The following LRRC36 variants were observed in gnomAD, a reference collection of about 807,000 sequenced individuals.
LRRC36 encodes the protein leucine-rich repeat-containing protein 36.
A neutral mutation model predicts 81.1 loss-of-function variants in LRRC36; 62 were observed. That is an observed-to-expected ratio of 0.76 (90% CI 0.62 to 0.94). LRRC36 has a LOEUF of 0.94. Among genes scored for constraint, LRRC36 ranks in the 40% least tolerant of loss-of-function variants. The pLI, the probability that LRRC36 is intolerant of heterozygous loss-of-function variation, is 0.00. For synonymous variants in LRRC36, 334 were observed against 348.6 expected, an observed-to-expected ratio of 0.96 and a Z score of 0.47; for missense variants, 761 against 881.7, an observed-to-expected ratio of 0.86 and a Z score of 1.73.
chr16:67,372,371 T>A (rs905839886), intron 9 of LRRC36, among the ~76,000 whole-genome samples: 55 of 151,310 alleles, frequency 3.6e-4, no homozygotes, highest in East Asian at 9.7e-4. Flanking sequence ...AAAAAAAAAA[T>A]AAAATAAAAT....
intron 9 of LRRC36, among the ~76,000 whole-genome samples, chr16:67,374,945 T>C (rs2039821800): frequency 6.6e-6 from 1 of 151,536 alleles, no homozygotes; most frequent in African/African-American, 2.4e-5. Flanking sequence ...GCCTGGCCAA[T>C]ATGGTGAAAC....
intron 10 of LRRC36, among the ~76,000 whole-genome samples, 191 bp downstream of exon 10, chr16:67,375,603 A>G (rs1323624348): frequency 6.6e-6 from 1 of 152,202 alleles, no homozygotes; most frequent in Non-Finnish European, 1.5e-5. Context: ...TTTTAAAAGC[A>G]GCACCTCTTC....
At chr16:67,340,454 A>G (rs530775863) in intron 1 of LRRC36, among the ~76,000 whole-genome samples, 1 of 152,206 alleles carries the variant, frequency 6.6e-6, no homozygotes, top group African/African-American at 2.4e-5. Flanking sequence ...ACCTGAGGTC[A>G]GGAGTTCAAG....
At chr16:67,350,156 C>CG (rs377296424) in intron 4 of LRRC36, 46 bp from the exon 5 acceptor site, 2 of 1,212,510 alleles carry the variant, frequency 1.6e-6, no homozygotes. Flanking sequence ...ATCTCAGAAG[C>CG]CTTTTTTTTT....
intron 1 of LRRC36, among the ~76,000 whole-genome samples, chr16:67,335,046 T>A (rs1024053058): frequency 6.6e-6 from 1 of 151,996 alleles, no homozygotes; most frequent in Non-Finnish European, 1.5e-5. Context: ...CGGGGTGAAA[T>A]TAAAATTGCT....
intron 1 of LRRC36, among the ~76,000 whole-genome samples, chr16:67,333,338 G>A (rs550983343): frequency 6.6e-6 from 1 of 152,006 alleles, no homozygotes; most frequent in South Asian, 2.1e-4. Context: ...CACCATGTTG[G>A]CCAGGCTGGT....
In LRRC36 at chr16:67,367,782, G is replaced by A. The variant is rs569534075; in HGVS notation, c.1195+325G>A. Among the ~76,000 whole-genome samples, 5 of 152,320 alleles carry A rather than the reference G, an allele frequency of 3.3e-5. No individual in the cohort carries two copies. In the East Asian group the frequency reaches 5.8e-4, roughly 18 times the overall value. On this transcript the variant is annotated intron_variant, in intron 8 of 13. Coordinates refer to ENST00000329956, the MANE Select transcript of LRRC36 (RefSeq NM_018296.6). Reference sequence around the variant, plus strand: ...AGAAGTTAGTTTCAGGCTGGGCACGGTGGCTCATGCCTGTAATCCCAGCAC... The same window carrying A: ...AGAAGTTAGTTTCAGGCTGGGCACGATGGCTCATGCCTGTAATCCCAGCAC...
chr16:67,349,058 A>G (rs987282236), intron 4 of LRRC36, among the ~76,000 whole-genome samples: 1 of 152,178 alleles, frequency 6.6e-6, no homozygotes, highest in African/African-American at 2.4e-5. Flanking sequence ...TAGAAATTGA[A>G]TGCTTCTAAA....
Position 67,376,870 on chromosome 16 carries a change from A to G in LRRC36, c.1804A>G (p.Met602Val). 6.2e-7 allele frequency: 1 copy of G among 1,611,486 alleles called. No homozygotes were observed. The highest frequency in any genetic ancestry group is 8.5e-7 in the Non-Finnish European group (1 of 1,177,982). The change falls in exon 11 of 14, where the codon ATG (methionine) becomes GTG (valine). Residue 602 changes from methionine (M) to valine (V), a missense_variant and splice_region_variant. Around this residue, in one of 3 missense-constraint regions of LRRC36, gnomAD observed 359 missense variants for 388.4 expected, o/e 0.92. Coordinates refer to ENST00000329956, the MANE Select transcript of LRRC36 (RefSeq NM_018296.6). ...GGCTGCGCAGCTGGTCCCTAATGAC[A>G]TGGTATGCCCCTCTCATCTCCCTTT... ...KEAAQLVPND[M>V]ESLKQKLVRV...
At chr16:67,359,409 A>G (rs571416036) in intron 5 of LRRC36, among the ~76,000 whole-genome samples, 5 of 152,370 alleles carry the variant, frequency 3.3e-5, no homozygotes, top group Non-Finnish European at 7.3e-5. Context: ...TTCCATTTAT[A>G]TAAAATTTGC....
intron 6 of LRRC36, among the ~76,000 whole-genome samples, chr16:67,364,382 T>C (rs1369749962): frequency 6.6e-6 from 1 of 152,242 alleles, no homozygotes; most frequent in Non-Finnish European, 1.5e-5. Flanking sequence ...TTTTCTTTGA[T>C]ACATTTATGA....
intron 11 of LRRC36, 46 bp downstream of exon 11, chr16:67,376,918 C>G (rs1467188490): frequency 6.4e-7 from 1 of 1,556,702 alleles, no homozygotes. Flanking sequence ...AGCAGCAGAA[C>G]TACAACATCT....
At position 67,378,637 on chromosome 16, in the gene LRRC36, T is replaced by A. The variant is rs1465818886; in HGVS notation, c.1855T>A (p.Leu619Met). The A allele has an allele frequency of 6.2e-7, 1 of 1,614,158 alleles. No individual in the cohort carries two copies. Among genetic ancestry groups the A allele is most frequent in the South Asian group, 1.1e-5 (1 of 91,088 alleles). ...CAGAGTGCTGGAGGAAAACCTCATT[T>A]TGTCAGAAAAAATTCAACAGTTGGA... Reference protein sequence around the residue: ...LVRVLEENLILSEKIQQLEEG... With the variant: ...LVRVLEENLIMSEKIQQLEEG... Residue 619 changes from leucine to methionine, a missense_variant, in exon 12 of 14, where the codon TTG becomes ATG. By Grantham distance (15) the Leu-to-Met change is conservative. This residue lies in a region of LRRC36 where 359 missense variants were observed against 388.4 expected (regional missense o/e 0.92). Coordinates refer to ENST00000329956, the MANE Select transcript of LRRC36 (RefSeq NM_018296.6).
chr16:67,359,349 AC>A (rs1243150024), intron 5 of LRRC36, among the ~76,000 whole-genome samples: 4 of 152,242 alleles, frequency 2.6e-5, no homozygotes, highest in Non-Finnish European at 5.9e-5. Flanking sequence ...TATTTTGAAA[AC>A]ATCAGGCTAA....
chr16:67,384,011 A>G (rs553860073), intron 13 of LRRC36, among the ~76,000 whole-genome samples: 1 of 152,330 alleles, frequency 6.6e-6, no homozygotes, highest in East Asian at 1.9e-4. Flanking sequence ...ATGATATACC[A>G]CTTATTTAAT....
At chr16:67,364,689 A>G (rs1415764894) in intron 6 of LRRC36, among the ~76,000 whole-genome samples, 1 of 152,022 alleles carries the variant, frequency 6.6e-6, no homozygotes, top group African/African-American at 2.4e-5. Flanking sequence ...CACTTCTTAG[A>G]TAAAAAAGCA....
intron 1 of LRRC36, among the ~76,000 whole-genome samples, chr16:67,327,975 G>T (rs1567459694): frequency 6.6e-6 from 1 of 152,056 alleles, no homozygotes; most frequent in African/African-American, 2.4e-5. Context: ...AAAGGGAAAT[G>T]ATATTTGAGG....
At chr16:67,369,436 G>T (rs1315861293) in intron 8 of LRRC36, among the ~76,000 whole-genome samples, 2 of 152,154 alleles carry the variant, frequency 1.3e-5, no homozygotes, top group African/African-American at 4.8e-5. Flanking sequence ...AAGTGATTAT[G>T]GTATTTGGCA....
intron 9 of LRRC36, chr16:67,371,496 A>T (rs2039638675): frequency 1.9e-6 from 1 of 514,514 alleles, no homozygotes; most frequent in African/African-American, 1.9e-5. Flanking sequence ...CCGGCTGAAG[A>T]TTGAACTCTG....
Sources: allele counts gnomAD v4.1 joint callset (sites outside exome capture counted in the v4.1 genomes callset), GRCh38; gene constraint gnomAD v4.1.1; regional missense constraint gnomAD v4.1.1; transcripts MANE v1.5; gene names NCBI Gene and HGNC (gene_info 2026-07-23, HGNC 2026-07-21).